The following PSTPIP1 variants were observed in gnomAD, a reference collection of about 807,000 sequenced individuals.
PSTPIP1 encodes proline-serine-threonine phosphatase interacting protein 1.
In PSTPIP1, 66 loss-of-function variants were observed where a neutral mutation model predicts 69.6. The observed-to-expected ratio is 0.95, with a 90% confidence interval of 0.78 to 1.16. The LOEUF (loss-of-function observed/expected upper bound fraction) is 1.16. PSTPIP1 is among the 50% of genes most tolerant of loss of function. The pLI, the probability that PSTPIP1 is intolerant of heterozygous loss-of-function variation, is 0.00. For missense variants in PSTPIP1, 603 were observed against 557.4 expected (o/e 1.08, Z -0.82); for synonymous variants, 266 against 222.7 (o/e 1.19, Z -1.73).
Position 77,037,236 on chromosome 15 carries a change from A to ACTGTCCCCACCT in PSTPIP1, c.*61_*72dup. The ACTGTCCCCACCT allele has an allele frequency of 1.3e-6, 2 of 1,545,544 alleles. No individual in the cohort carries two copies. The highest frequency in any genetic ancestry group is 8.7e-7 in the Non-Finnish European group (1 of 1,146,126). ...CAGTGGAGCCAGCAGTGCCCCCAGCACTGTCCCCACCTTGCTAGGGCCCAG... is the reference window on the plus strand; with the variant it reads ...CAGTGGAGCCAGCAGTGCCCCCAGCACTGTCCCCACCTCTGTCCCCACCTTGCTAGGGCCCAG... On this transcript the variant is annotated 3_prime_UTR_variant, in exon 15 of 15. Transcript: ENST00000558012.
chr15:77,036,736 G>GC (rs2076583900), intron 14 of PSTPIP1, among the ~76,000 whole-genome samples: 1 of 152,150 alleles, frequency 6.6e-6, no homozygotes, highest in African/African-American at 2.4e-5. Context: ...GCATGAGTGT[G>GC]CCCTGGGCTT....
rs555658119 is a variant in PSTPIP1 at position 77,027,975 on chromosome 15, C to T, written c.417+61C>T. On this transcript the variant is annotated intron_variant, in intron 6 of 14. Transcript: ENST00000558012. This position sits in a 1 kb window ranked among gnomAD's most constrained non-coding sequence, Gnocchi z 4.3. ...GAGGAGCAGCGCAGGTCTCAGGGTGCGATCCTGGGCTGTGGCCCCGGGCAG... is the reference window on the plus strand; with the variant it reads ...GAGGAGCAGCGCAGGTCTCAGGGTGTGATCCTGGGCTGTGGCCCCGGGCAG... The T allele has an allele frequency of 3.1e-5, 43 of 1,404,434 alleles. No homozygotes were observed. Among genetic ancestry groups the T allele is most frequent in the Middle Eastern group, 2.1e-4 (1 of 4,730 alleles). 87.0% of individuals were successfully genotyped at this position (1,404,434 alleles called of 1,614,324 possible).
chr15:77,025,935 G>A (rs963175167), intron 5 of PSTPIP1, among the ~76,000 whole-genome samples: 11 of 152,226 alleles, frequency 7.2e-5, no homozygotes, highest in African/African-American at 2.7e-4. Flanking sequence ...AGTCTGAGTT[G>A]TGGGGGTCAC....
intron 1 of PSTPIP1, among the ~76,000 whole-genome samples, chr15:77,016,154 C>G (rs925505171): frequency 3.3e-5 from 5 of 152,140 alleles, no homozygotes; most frequent in Non-Finnish European, 7.4e-5. Flanking sequence ...GGATTCTTGT[C>G]CTGACTCTGC....
At chr15:77,033,321 CTCCAGGCTTT>C (rs1010400136) in intron 12 of PSTPIP1, among the ~76,000 whole-genome samples, 2 of 152,208 alleles carry the variant, frequency 1.3e-5, no homozygotes, top group African/African-American at 2.4e-5. Context: ...CTGGAGAATT[CTCCAGGCTTT>C]TCCAGGGCTC....
intron 14 of PSTPIP1, among the ~76,000 whole-genome samples, chr15:77,036,451 T>G (rs2076575775): frequency 6.6e-6 from 1 of 152,154 alleles, no homozygotes; most frequent in Non-Finnish European, 1.5e-5. Flanking sequence ...TTTTCTGATG[T>G]CCATAGGGTG....
At chr15:77,030,406 T>C in intron 8 of PSTPIP1, 96 bp from the exon 9 acceptor site, 1 of 1,302,624 alleles carries the variant, frequency 7.7e-7, no homozygotes, top group Non-Finnish European at 1.1e-6. Context: ...GAGGCGGGGC[T>C]CCCAGTGGGA....
intron 1 of PSTPIP1, 86 bp downstream of exon 1, chr15:76,995,695 C>G (rs564622092): frequency 6.2e-7 from 1 of 1,603,454 alleles, no homozygotes; most frequent in South Asian, 1.1e-5. Context: ...GATGCGGCTC[C>G]GAGAGGGGAG....
rs1596037611 is a variant in PSTPIP1, at chr15:76,999,314, T to C, written c.36+3705T>C. On this transcript the variant is annotated intron_variant, in intron 1 of 14. Coordinates refer to ENST00000558012, the MANE Select transcript of PSTPIP1 (RefSeq NM_003978.5). ...TTTTTTTTGAGAAAGAATCTTACTC[T>C]GTCACCCAGGCTGGAGGGCAGTGGC... 2.0e-5 allele frequency: 3 copies of C among 152,090 alleles called. No individual in the cohort carries two copies. The East Asian group carries it at 5.8e-4, about 29-fold the overall frequency. The allele number at this position is 152,090 out of a possible 1,614,324, so 9.4% of individuals were successfully genotyped here.
Position 77,012,131 on chromosome 15 carries a change from A to G in PSTPIP1, c.37-6017A>G, listed in dbSNP as rs578058660. ...GCTCTGGCCATCCATCCATCCATCC[A>G]TCCATCCATCCATCCATCCATCCAT... On this transcript the variant is annotated intron_variant, in intron 1 of 14. Coordinates refer to ENST00000558012, the MANE Select transcript of PSTPIP1 (RefSeq NM_003978.5). 6.9e-5 allele frequency among the ~76,000 whole-genome samples: 8 copies of G among 115,852 alleles called. No homozygotes were observed. The South Asian group carries it at 2.7e-3, about 39-fold the overall frequency. The allele number at this position is 115,852 out of a possible 152,430, so 76.0% of individuals were successfully genotyped here. A position where few individuals can be genotyped will look rare whatever the true frequency, so the allele number is the denominator to read the frequency against.
At chr15:77,005,624 C>T (rs1019926340) in intron 1 of PSTPIP1, among the ~76,000 whole-genome samples, 2 of 152,154 alleles carry the variant, frequency 1.3e-5, no homozygotes, top group East Asian at 1.9e-4. Flanking sequence ...AGAAATTGTA[C>T]CCATCAAACA....
intron 4 of PSTPIP1, 31 bp downstream of exon 4, chr15:77,025,349 T>G: frequency 6.3e-7 from 1 of 1,597,406 alleles, no homozygotes. Context: ...CAATGGGATC[T>G]TTTGGGACTG....
At chr15:77,036,771 CCT>C (rs1344404492) in intron 14 of PSTPIP1, among the ~76,000 whole-genome samples, 1 of 152,096 alleles carries the variant, frequency 6.6e-6, no homozygotes, top group African/African-American at 2.4e-5. Context: ...ACCCGTGACC[CCT>C]GACATGCTCC....
intron 11 of PSTPIP1, 61 bp downstream of exon 11, chr15:77,032,455 G>C: frequency 1.3e-6 from 2 of 1,560,576 alleles, no homozygotes; most frequent in Non-Finnish European, 1.8e-6. Context: ...GGAAGGCCCG[G>C]CCCTGAGCCT....
intron 1 of PSTPIP1, among the ~76,000 whole-genome samples, chr15:77,005,610 G>T (rs2075799446): frequency 6.6e-6 from 1 of 152,170 alleles, no homozygotes; most frequent in South Asian, 2.1e-4. Context: ...TCATCATCCT[G>T]AACAGAAATT....
At position 77,037,465 on chromosome 15, in the gene PSTPIP1, T is replaced by C. The variant is rs1350809496; in HGVS notation, c.*289T>C. 3 of 320,546 alleles carry C rather than the reference T, an allele frequency of 9.4e-6. No homozygotes were observed. The highest frequency in any genetic ancestry group is 6.0e-6 in the Non-Finnish European group (1 of 166,698). 19.9% of individuals were successfully genotyped at this position (320,546 alleles called of 1,614,324 possible). ...AACTCAGCCGAGGCTTCAGCTATAG[T>C]TGGAGAAGAGGCCTGGCCCCAGTTG... On this transcript the variant is annotated 3_prime_UTR_variant, in exon 15 of 15. Transcript: ENST00000558012.
Position 77,031,236 on chromosome 15 carries a change from G to A in PSTPIP1, c.699G>A (p.Val233=). ...RLTILRNALW[V]HSNQLSMQCV... The stretch of plus-strand genomic sequence containing the variant: ...CCATTCTCCGCAACGCCCTGTGGGT[G>A]CACAGCAACCAGCTCTCCATGCAGT... The change falls in exon 10 of 15, where the codon GTG becomes GTA. Residue 233 remains valine (V), a synonymous_variant. Coordinates refer to ENST00000558012, the MANE Select transcript of PSTPIP1 (RefSeq NM_003978.5). The A allele has an allele frequency of 6.2e-7, 1 of 1,613,132 alleles. No homozygotes were observed. The highest frequency in any genetic ancestry group is 8.5e-7 in the Non-Finnish European group (1 of 1,179,680).
intron 1 of PSTPIP1, 118 bp from the exon 2 acceptor site, chr15:77,018,030 C>A: frequency 9.9e-7 from 1 of 1,008,564 alleles, no homozygotes; most frequent in African/African-American, 1.6e-5. Context: ...TTGCCCTGAG[C>A]AGGGGAGATG....
At chr15:77,018,289 C>T in intron 2 of PSTPIP1, 41 bp downstream of exon 2, 2 of 1,551,750 alleles carry the variant, frequency 1.3e-6, no homozygotes, top group South Asian at 1.2e-5. Flanking sequence ...AGGCAGGAAG[C>T]AGGTGGCTTC....
Sources: gnomAD v4.1 joint callset for allele counts (sites outside exome capture counted in the v4.1 genomes callset) on GRCh38, gnomAD v4.1.1 for gene constraint, Gnocchi (gnomAD v3.1) non-coding constraint, MANE v1.5 for transcripts, NCBI Gene and HGNC (gene_info 2026-07-23, HGNC 2026-07-21) for gene names.